Variants in SLC44A1 observed in about 807,000 individuals in gnomAD.
The protein encoded by SLC44A1 is choline transporter-like protein 1.
A neutral mutation model predicts 79.3 loss-of-function variants in SLC44A1; 26 were observed. The ratio of observed to expected loss-of-function variants is 0.33; its 90% confidence interval spans 0.24 to 0.46. The LOEUF (loss-of-function observed/expected upper bound fraction) is 0.46. SLC44A1 is among the 20% of genes least tolerant of loss of function. The pLI, the probability that SLC44A1 is intolerant of heterozygous loss-of-function variation, is 1.00. For synonymous variants in SLC44A1, 263 were observed against 286.2 expected (o/e 0.92, Z 0.82); for missense variants, 688 against 798.1 (o/e 0.86, Z 1.66).
At chr9:105,433,141 C>A (rs1038685280) in intron 15 of SLC44A1, among the ~76,000 whole-genome samples, 2 of 151,948 alleles carry the variant, frequency 1.3e-5, no homozygotes, top group African/African-American at 4.8e-5. Flanking sequence ...ACTAAAAATA[C>A]AAAAATTAGC....
In SLC44A1 at chr9:105,396,652, G is replaced by T. The variant is rs138578616; in HGVS notation, c.*7596G>T. Reference sequence around the variant, plus strand: ...ACACATCGGTGTGTCTTGATTTCTCGCAGCTGTGTAATGTGGCATGAGAAG... The same window carrying T: ...ACACATCGGTGTGTCTTGATTTCTCTCAGCTGTGTAATGTGGCATGAGAAG... On this transcript the variant is annotated 3_prime_UTR_variant, in exon 16 of 16. Transcript: ENST00000374720. 4.1e-6 allele frequency: 4 copies of T among 985,002 alleles called. No homozygotes were observed. The African/African-American group carries it at 7.0e-5, about 17-fold the overall frequency. The allele number at this position is 985,002 out of a possible 1,614,324, so 61.0% of individuals were successfully genotyped here. A position where few individuals can be genotyped will look rare whatever the true frequency, so the allele number is the denominator to read the frequency against.
At position 105,383,378 on chromosome 9, in the gene SLC44A1, G is replaced by A. The variant is rs546955584; in HGVS notation, c.1869+19G>A. 2.1e-5 allele frequency: 29 copies of A among 1,367,928 alleles called. No individual in the cohort carries two copies. In the African/African-American group the frequency reaches 2.6e-4, roughly 12 times the overall value. The allele number at this position is 1,367,928 out of a possible 1,614,324, so 84.7% of individuals were successfully genotyped here. On this transcript the variant is annotated intron_variant, in intron 14 of 15. Coordinates refer to ENST00000374720, the MANE Select transcript of SLC44A1 (RefSeq NM_080546.5). ...GCTGATGGTAAGTACTTCAAATGCCGTTTCCTATTTTAGGGATAAAAATAC... is the reference window on the plus strand; with the variant it reads ...GCTGATGGTAAGTACTTCAAATGCCATTTCCTATTTTAGGGATAAAAATAC...
In SLC44A1 at chr9:105,396,088, G is replaced by A; in HGVS notation, c.*7032G>A. The A allele has an allele frequency of 1.0e-6, 1 of 985,320 alleles. No homozygotes were observed. Among genetic ancestry groups the A allele is most frequent in the Non-Finnish European group, 1.2e-6 (1 of 829,916 alleles). 61.0% of individuals were successfully genotyped at this position (985,320 alleles called of 1,614,324 possible). A position where few individuals can be genotyped will look rare whatever the true frequency, so the allele number is the denominator to read the frequency against. ...GTTTTTGCCTATTTTGATTTTCAGA[G>A]ATGATCACATGGGGACAGTTAACTT... On this transcript the variant is annotated 3_prime_UTR_variant, in exon 16 of 16. Coordinates refer to ENST00000374720, the MANE Select transcript of SLC44A1 (RefSeq NM_080546.5).
intron 9 of SLC44A1, 85 bp downstream of exon 9, chr9:105,363,092 G>C: frequency 9.3e-7 from 1 of 1,075,944 alleles, no homozygotes. Flanking sequence ...TAATTCTTCA[G>C]ACATTTGTTG....
chr9:105,421,825 G>GA (rs1217924840), intron 15 of SLC44A1, among the ~76,000 whole-genome samples: 6 of 152,184 alleles, frequency 3.9e-5, no homozygotes, highest in African/African-American at 1.4e-4. Context: ...CTGACCTCTT[G>GA]ATCCACCCGC....
intron 15 of SLC44A1, among the ~76,000 whole-genome samples, chr9:105,424,871 C>T (rs1446842670): frequency 6.7e-6 from 1 of 150,086 alleles, no homozygotes; most frequent in Non-Finnish European, 1.5e-5. Flanking sequence ...TGCTTGAACC[C>T]AAGAGGTGGA....
intron 4 of SLC44A1, among the ~76,000 whole-genome samples, chr9:105,343,170 T>C (rs80153336): frequency 0.018 from 2,795 of 152,190 alleles, 86 homozygotes; most frequent in African/African-American, 0.064. Context: ...GCAGAAATCT[T>C]ATTTTCCTTT....
chr9:105,386,068 C>A (rs906904310), intron 15 of SLC44A1: 33 of 985,092 alleles, frequency 3.3e-5, no homozygotes, highest in Non-Finnish European at 3.9e-5. Flanking sequence ...TCATCAATAC[C>A]CACATTCCCA....
At chr9:105,411,270 C>A (rs926238346) in intron 15 of SLC44A1, among the ~76,000 whole-genome samples, 2 of 152,136 alleles carry the variant, frequency 1.3e-5, no homozygotes, top group African/African-American at 2.4e-5. Context: ...ATATACCCTT[C>A]ATCTACATTC....
intron 15 of SLC44A1, among the ~76,000 whole-genome samples, chr9:105,407,142 C>G (rs1239938834): frequency 1.3e-5 from 2 of 151,964 alleles, no homozygotes; most frequent in Non-Finnish European, 2.9e-5. Flanking sequence ...GGGATACCCT[C>G]AAGCATACCA....
chr9:105,419,042 G>A (rs569813965), intron 15 of SLC44A1, among the ~76,000 whole-genome samples: 2 of 152,206 alleles, frequency 1.3e-5, no homozygotes, highest in East Asian at 3.9e-4. Context: ...AACAAAATTT[G>A]GCAGTGAACT....
At position 105,383,116 on chromosome 9, in the gene SLC44A1, G is replaced by C. The variant is rs376119344; in HGVS notation, c.1633-7G>C. The C allele has an allele frequency of 1.9e-6, 3 of 1,595,218 alleles. No homozygotes were observed. The highest frequency in any genetic ancestry group is 1.3e-5 in the African/African-American group (1 of 74,576). On this transcript the variant is annotated splice_region_variant and splice_polypyrimidine_tract_variant and intron_variant, in intron 13 of 15. Transcript: ENST00000374720. Reference sequence around the variant, plus strand: ...ATTAAATATGATCTTTGTTCTCTCTGCTTCAGGTGCTGATAGTCTGCAGCA... The same window carrying C: ...ATTAAATATGATCTTTGTTCTCTCTCCTTCAGGTGCTGATAGTCTGCAGCA...
At chr9:105,253,013 A>G (rs1564397696) in intron 1 of SLC44A1, among the ~76,000 whole-genome samples, 1 of 152,260 alleles carries the variant, frequency 6.6e-6, no homozygotes, top group Non-Finnish European at 1.5e-5. Flanking sequence ...ATTGTATAAT[A>G]TGATAATGTT....
At chr9:105,265,934 A>C (rs1304962641) in intron 1 of SLC44A1, among the ~76,000 whole-genome samples, 1 of 151,166 alleles carries the variant, frequency 6.6e-6, no homozygotes, top group East Asian at 1.9e-4. Context: ...TATCTTTCGA[A>C]TTATTGCTCT....
intron 15 of SLC44A1, among the ~76,000 whole-genome samples, chr9:105,416,444 T>C (rs1032009434): frequency 1.3e-5 from 2 of 151,746 alleles, no homozygotes; most frequent in African/African-American, 4.8e-5. Flanking sequence ...AATAGAAGTG[T>C]GTATAATGTG....
intron 3 of SLC44A1, among the ~76,000 whole-genome samples, chr9:105,330,335 A>G (rs1826711966): frequency 6.6e-6 from 1 of 152,166 alleles, no homozygotes; most frequent in Non-Finnish European, 1.5e-5. Context: ...TAGGTTAGTC[A>G]CCCAGCTTGC....
chr9:105,297,932 C>A lies in SLC44A1; in HGVS notation c.37-1288C>A, dbSNP rs12341779. ...GGAGGCCTGAACCTTCTCAGAGGAA[C>A]CTTTCCCATAGGTTTTCCAAGGATA... On this transcript the variant is annotated intron_variant, in intron 1 of 15. Coordinates refer to ENST00000374720, the MANE Select transcript of SLC44A1 (RefSeq NM_080546.5). 5.7e-3 allele frequency among the ~76,000 whole-genome samples: 864 copies of A among 152,206 alleles called. 8 individuals carry two copies. The highest frequency in any genetic ancestry group is 0.02 in the African/African-American group (837 of 41,502).
chr9:105,323,277 C>G (rs556243355), intron 3 of SLC44A1, among the ~76,000 whole-genome samples: 1 of 147,738 alleles, frequency 6.8e-6, no homozygotes, highest in East Asian at 2.0e-4. Flanking sequence ...GTTTGATTAT[C>G]AAAAATTTGA....
At chr9:105,357,958 T>G (rs1308492341) in intron 6 of SLC44A1, among the ~76,000 whole-genome samples, 2 of 152,222 alleles carry the variant, frequency 1.3e-5, no homozygotes, top group Non-Finnish European at 1.5e-5. Context: ...TCTCTGTCTA[T>G]GTGTAGTAAT....
Sources: gnomAD v4.1 joint callset for allele counts (sites outside exome capture counted in the v4.1 genomes callset) on GRCh38, gnomAD v4.1.1 for gene constraint, MANE v1.5 for transcripts, NCBI Gene and HGNC (gene_info 2026-07-23, HGNC 2026-07-21) for gene names.